ADAMTS7: variants seen among roughly 807,000 people sequenced by gnomAD.
ADAMTS7 encodes the protein ADAM metallopeptidase with thrombospondin type 1 motif 7, also known as A disintegrin and metalloproteinase with thrombospondin motifs 7.
A neutral mutation model predicts 172.6 loss-of-function variants in ADAMTS7; 89 were observed. That is an observed-to-expected ratio of 0.52 (90% CI 0.43 to 0.61). ADAMTS7 has a LOEUF of 0.61. Among genes scored for constraint, ADAMTS7 ranks in the 20% least tolerant of loss-of-function variants. The pLI is 0.00. For missense variants in ADAMTS7, 1,973 were observed against 2,355.6 expected (o/e 0.84, Z 3.36); for synonymous variants, 885 against 978.4 (o/e 0.90, Z 1.78).
chr15:78,774,077 G>A, intron 13 of ADAMTS7, 90 bp downstream of exon 13: 1 of 1,544,660 alleles, frequency 6.5e-7, no homozygotes, highest in Non-Finnish European at 8.7e-7. Flanking sequence ...GCCCGAGGAG[G>A]ATCAGGAGGG....
At position 78,800,408 on chromosome 15, in the gene ADAMTS7, G is replaced by C. The variant is rs7173267; in HGVS notation, c.240C>G (p.Ala80=). 0.4 allele frequency: 646,852 copies of C among 1,607,170 alleles called. 136,824 individuals are homozygous for C. Among genetic ancestry groups the C allele is most frequent in the Non-Finnish European group, 0.44 (523,707 of 1,177,062 alleles). The change falls in exon 2 of 24, where the codon GCC becomes GCG. Residue 80 remains alanine (A), a synonymous_variant. Coordinates refer to ENST00000388820, the MANE Select transcript of ADAMTS7 (RefSeq NM_014272.5). ...RDVSVRRDAP[A]FYELQYRGRE... ...GCCCGCGGTATTGTAGCTCGTAGAA[G>C]GCGGGCGCGTCTCGGCGCACAGATA...
chr15:78,770,891 G>A, intron 16 of ADAMTS7: 1 of 503,722 alleles, frequency 2.0e-6, no homozygotes, highest in East Asian at 3.2e-5. Flanking sequence ...TATCGAGGGG[G>A]AGCTGTGTCC....
At chr15:78,802,725 G>A (rs1171046645) in intron 1 of ADAMTS7, among the ~76,000 whole-genome samples, 2 of 152,156 alleles carry the variant, frequency 1.3e-5, no homozygotes, top group Non-Finnish European at 2.9e-5. Context: ...GGTTGGGCAC[G>A]GTGGCTCATG....
intron 8 of ADAMTS7, among the ~76,000 whole-genome samples, chr15:78,782,869 C>T (rs2055448118): frequency 1.3e-5 from 2 of 152,046 alleles, no homozygotes; most frequent in Admixed American, 6.6e-5. Flanking sequence ...AAGTGATGGC[C>T]ACCTGCCACC....
chr15:78,765,255 A>G (rs1596172211), intron 19 of ADAMTS7: 2 of 303,216 alleles, frequency 6.6e-6, no homozygotes, highest in Non-Finnish European at 1.2e-5. Context: ...CTGCCAAAGG[A>G]GGGTGGAGCC....
rs377209216 is a variant in ADAMTS7 at position 78,797,171 on chromosome 15, C to T, written c.623-385G>A. On this transcript the variant is annotated intron_variant, in intron 3 of 23. Transcript: ENST00000388820. ...TTCCTCCCACCCTGGGGGCTTAGTG[C>T]ATCCCAACACAGGCTGACCCCACCC... is the stretch of plus-strand genomic sequence containing the variant. 5.3e-5 allele frequency among the ~76,000 whole-genome samples: 8 copies of T among 152,310 alleles called. No individual in the cohort carries two copies. The East Asian group carries it at 1.5e-3, about 29-fold the overall frequency.
At chr15:78,762,035 T>C (rs2055053100) in intron 23 of ADAMTS7, 2 of 985,172 alleles carry the variant, frequency 2.0e-6, no homozygotes, top group Non-Finnish European at 2.4e-6. Flanking sequence ...CCAGGCCCAG[T>C]TTTCACACAG....
At chr15:78,789,517 C>G (rs1207663259) in intron 7 of ADAMTS7, among the ~76,000 whole-genome samples, 172 bp downstream of exon 7, 1 of 152,236 alleles carries the variant, frequency 6.6e-6, no homozygotes, top group Non-Finnish European at 1.5e-5. Flanking sequence ...AGGGAAGCAG[C>G]CTGGTTGTGG....
Position 78,784,404 on chromosome 15 carries a change from GA to G in ADAMTS7, c.1322+3826del, listed in dbSNP as rs1397990846. On this transcript the variant is annotated intron_variant, in intron 8 of 23. Coordinates refer to ENST00000388820, the MANE Select transcript of ADAMTS7 (RefSeq NM_014272.5). ...AGAGAGAGAGGGAGAGGGAGAGGAA[GA>G]GGGGGGAGGGAGGGAGGGAGGGAGG... Among the ~76,000 whole-genome samples the G allele has an allele frequency of 7.9e-5, 8 of 101,160 alleles. No homozygotes were observed. The East Asian group carries it at 1.7e-3, about 21-fold the overall frequency. The allele number at this position is 101,160 out of a possible 152,430, so 66.4% of individuals were successfully genotyped here. A position where few individuals can be genotyped will look rare whatever the true frequency, so the allele number is the denominator to read the frequency against.
chr15:78,798,592 T>G (rs1161531407), intron 2 of ADAMTS7, among the ~76,000 whole-genome samples: 1 of 151,748 alleles, frequency 6.6e-6, no homozygotes, highest in African/African-American at 2.4e-5. Flanking sequence ...AATGAATCAC[T>G]CCAAAAGCAT....
chr15:78,811,067 G>C (rs1359863060), intron 1 of ADAMTS7, 54 bp downstream of exon 1: 1 of 1,227,844 alleles, frequency 8.1e-7, no homozygotes, highest in Non-Finnish European at 1.0e-6. Flanking sequence ...ACCGAGACTG[G>C]GGGAGCGGGA....
At chr15:78,799,934 C>T (rs1379633407) in intron 2 of ADAMTS7, among the ~76,000 whole-genome samples, 1 of 151,944 alleles carries the variant, frequency 6.6e-6, no homozygotes, top group Non-Finnish European at 1.5e-5. Flanking sequence ...TCAAGTGATC[C>T]TTTCGCCTCA....
intron 11 of ADAMTS7, among the ~76,000 whole-genome samples, chr15:78,775,140 T>C (rs1168825854): frequency 1.3e-5 from 2 of 152,188 alleles, no homozygotes; most frequent in Middle Eastern, 6.3e-3. Context: ...TGGGACAAGC[T>C]GCAGGCATGA....
intron 8 of ADAMTS7, among the ~76,000 whole-genome samples, chr15:78,778,339 G>A (rs2055382439): frequency 6.6e-6 from 1 of 152,240 alleles, no homozygotes; most frequent in African/African-American, 2.4e-5. Flanking sequence ...CCTGGGGAGG[G>A]CGGCCCAGTC....
rs377611062 is a variant in ADAMTS7 at position 78,767,020 on chromosome 15, C to T, written c.2891G>A (p.Arg964His). 79 of 1,570,780 alleles carry T rather than the reference C, an allele frequency of 5.0e-5. No homozygotes were observed. The highest frequency in any genetic ancestry group is 2.0e-4 in the African/African-American group (15 of 73,742). Residue 964 changes from arginine to histidine, a missense_variant, in exon 19 of 24, where the codon CGC becomes CAC. Physicochemically the swap from Arg to His is conservative, Grantham distance 29. This residue lies in a region of ADAMTS7 where 771 missense variants were observed against 952.6 expected (regional missense o/e 0.81). Transcript: ENST00000388820. ...GTCATTGGTGCAGAGGACATTTCGG[C>T]GCTGAGTGCCCTCCCCACATGTCAC... is the stretch of plus-strand genomic sequence containing the variant. Reference protein sequence around the residue: ...CSVTCGEGTQRRNVLCTNDTG... With the variant: ...CSVTCGEGTQHRNVLCTNDTG...
chr15:78,786,929 A>G (rs903012416), intron 8 of ADAMTS7, among the ~76,000 whole-genome samples: 3 of 152,082 alleles, frequency 2.0e-5, no homozygotes, highest in South Asian at 2.1e-4. Context: ...CCTACTCAAC[A>G]TGAAGAGGAT....
chr15:78,763,021 G>A lies in ADAMTS7; in HGVS notation c.4741-456C>T, dbSNP rs1386676560. Among the ~76,000 whole-genome samples, 3 of 152,196 alleles carry A rather than the reference G, an allele frequency of 2.0e-5. No individual in the cohort carries two copies. The East Asian group carries it at 5.8e-4, about 29-fold the overall frequency. On this transcript the variant is annotated intron_variant, in intron 22 of 23. Transcript: ENST00000388820. ...GCCGGGGCCCAGCCCGCCAGGCTTC[G>A]TTGTTATCAGCCCTAAACATGCACT... is the stretch of plus-strand genomic sequence containing the variant.
chr15:78,770,989 G>A lies in ADAMTS7; in HGVS notation c.2518+173C>T, dbSNP rs1435252893. The stretch of plus-strand genomic sequence containing the variant: ...TGCCTCATCCATGTACCCTCCCAGC[G>A]GGCCTGGGACACAGGGCAATCGCTA... On this transcript the variant is annotated intron_variant, in intron 16 of 23. Transcript: ENST00000388820. The A allele has an allele frequency of 6.8e-5, 60 of 883,406 alleles. No homozygotes were observed. In the Middle Eastern group the frequency reaches 1.4e-3, roughly 20 times the overall value. 54.7% of individuals were successfully genotyped at this position (883,406 alleles called of 1,614,324 possible). A position where few individuals can be genotyped will look rare whatever the true frequency, so the allele number is the denominator to read the frequency against.
At chr15:78,787,904 T>A (rs1361567706) in intron 8 of ADAMTS7, among the ~76,000 whole-genome samples, 3 of 152,074 alleles carry the variant, frequency 2.0e-5, no homozygotes, top group Non-Finnish European at 4.4e-5. Context: ...CTACAGGCCT[T>A]TCTCAGGCTT....
Sources: gnomAD v4.1 joint callset for allele counts (sites outside exome capture counted in the v4.1 genomes callset) on GRCh38, gnomAD v4.1.1 for gene constraint, gnomAD v4.1.1 regional missense constraint, MANE v1.5 for transcripts, NCBI Gene and HGNC (gene_info 2026-07-23, HGNC 2026-07-21) for gene names.